NOP2: variants seen among roughly 807,000 people sequenced by gnomAD.
NOP2 encodes NOP2 nucleolar protein, also known as 28S rRNA (cytosine(4447)-C(5))-methyltransferase.
A neutral mutation model predicts 72.7 loss-of-function variants in NOP2; 7 were observed. That is an observed-to-expected ratio of 0.10 (90% CI 0.05 to 0.18). The LOEUF (loss-of-function observed/expected upper bound fraction) is 0.18, where lower values mean the gene tolerates loss of function less well. NOP2 is among the 10% of genes least tolerant of loss of function. The probability of loss-of-function intolerance (pLI) is 1.00; values close to 1 mark genes in which losing one functional copy is unlikely to be tolerated. For missense variants in NOP2, 954 were observed against 1,014.7 expected (o/e 0.94, Z 0.81); for synonymous variants, 387 against 388.0 (o/e 1.00, Z 0.03).
intron 11 of NOP2, 81 bp downstream of exon 11, chr12:6,561,583 T>G: frequency 6.4e-7 from 1 of 1,557,006 alleles, no homozygotes; most frequent in Non-Finnish European, 8.8e-7. Context: ...TGAGCACTAG[T>G]GAGTCAGCAA....
At position 6,560,174 on chromosome 12, in the gene NOP2, A is replaced by C. The variant is rs766362208; in HGVS notation, c.1713T>G (p.Pro571=). The change falls in exon 15 of 16, where the codon CCT becomes CCG. Residue 571 remains proline (P), a synonymous_variant. Coordinates refer to ENST00000322166, the MANE Select transcript of NOP2 (RefSeq NM_001258308.2). This position sits in a 1 kb window ranked among gnomAD's most constrained non-coding sequence, Gnocchi z 5.0. ...AGAACCCATCCATATTGTGGGTATG[A>C]GGGTAGAAGCGTCGGGTAGAACGCA... The part of the protein sequence containing the change: ...PSLRSTRRFY[P]HTHNMDGFFI... 1.2e-6 allele frequency: 2 copies of C among 1,614,014 alleles called. No individual in the cohort carries two copies. Among genetic ancestry groups the C allele is most frequent in the South Asian group, 1.1e-5 (1 of 91,082 alleles).
chr12:6,566,690 G>A, intron 3 of NOP2, 73 bp from the exon 4 acceptor site: 2 of 1,581,600 alleles, frequency 1.3e-6, no homozygotes, highest in Non-Finnish European at 1.7e-6. Context: ...TTCCACCATA[G>A]GGAAATGTGA....
In NOP2 at chr12:6,557,330, C is replaced by G; in HGVS notation, c.2102G>C (p.Arg701Pro). The G allele has an allele frequency of 6.2e-7, 1 of 1,613,990 alleles. No homozygotes were observed. Among genetic ancestry groups the G allele is most frequent in the South Asian group, 1.1e-5 (1 of 91,088 alleles). Reference sequence around the variant, plus strand: ...CTTGGAGGACTGTAATTTAGGTGATCGTTGCTTTAGCTTCCCAGTCACCTT... The same window carrying G: ...CTTGGAGGACTGTAATTTAGGTGATGGTTGCTTTAGCTTCCCAGTCACCTT... Reference protein sequence around the residue: ...EPKVTGKLKQRSPKLQSSKKV... With the variant: ...EPKVTGKLKQPSPKLQSSKKV... Residue 701 changes from arginine to proline, a missense_variant, in exon 16 of 16, where the codon CGA (arginine) becomes CCA (proline). Around this residue, in one of 3 missense-constraint regions of NOP2, gnomAD observed 269 missense variants for 260.2 expected, o/e 1.03. Transcript: ENST00000322166.
chr12:6,567,125 T>C (rs146430611), intron 2 of NOP2, among the ~76,000 whole-genome samples: 3 of 152,232 alleles, frequency 2.0e-5, no homozygotes, highest in African/African-American at 4.8e-5. Context: ...AATTGTTGTA[T>C]TTTTAGTAAA....
intron 5 of NOP2, 121 bp from the exon 6 acceptor site, chr12:6,564,067 T>C (rs144751125): frequency 1.7e-5 from 26 of 1,534,142 alleles, no homozygotes; most frequent in African/African-American, 1.1e-4. Context: ...CAGAAGGAAA[T>C]AGAGGAGCAA....
At position 6,557,103 on chromosome 12, in the gene NOP2, GGGTAT is replaced by G; in HGVS notation, c.2324_2328del (p.Asp775AlafsTer40). On this transcript the variant is annotated frameshift_variant, in exon 16 of 16. Transcript: ENST00000322166. LOFTEE classifies it low-confidence loss of function (END_TRUNC). ...ACAGTGGGAGGCTGAGGCCCCTTGG[GGGTAT>G]CATTCTGTTTCTGGAAGGCAGCTTT... The G allele has an allele frequency of 6.2e-7, 1 of 1,613,972 alleles. No individual in the cohort carries two copies. Among genetic ancestry groups the G allele is most frequent in the South Asian group, 1.1e-5 (1 of 91,084 alleles).
chr12:6,564,049 C>T, intron 5 of NOP2, 103 bp from the exon 6 acceptor site: 1 of 1,539,760 alleles, frequency 6.5e-7, no homozygotes, highest in Non-Finnish European at 8.7e-7. Context: ...AAATCCAACA[C>T]TTGCTCTCAG....
In NOP2 at chr12:6,557,574, T is replaced by G. The variant is rs745997812; in HGVS notation, c.1858A>C (p.Ser620Arg). The G allele has an allele frequency of 2.2e-5, 36 of 1,613,854 alleles. No individual in the cohort carries two copies. Among genetic ancestry groups the G allele is most frequent in the Admixed American group, 8.3e-5 (5 of 59,994 alleles). The change falls in exon 16 of 16, where the codon AGC becomes CGC. Residue 620 changes from serine (S) to arginine (R), a missense_variant. Coordinates refer to ENST00000322166, the MANE Select transcript of NOP2 (RefSeq NM_001258308.2). ...CCCTTGGCTTTCTTGGCTGGCTGGC[T>G]GCTGTTCTCAGACTTGGGGATGACC... ...PQVIPKSENSSQPAKKAKGAA... is the reference protein window; with the variant it reads ...PQVIPKSENSRQPAKKAKGAA...
intron 2 of NOP2, among the ~76,000 whole-genome samples, chr12:6,567,334 C>T (rs183646391): frequency 1.3e-5 from 2 of 152,272 alleles, no homozygotes; most frequent in Non-Finnish European, 2.9e-5. Flanking sequence ...ATCCTTTATC[C>T]AATGCCCAAC....
intron 9 of NOP2, 27 bp from the exon 10 acceptor site, chr12:6,561,998 T>C: frequency 6.4e-7 from 1 of 1,550,928 alleles, no homozygotes; most frequent in Non-Finnish European, 8.8e-7. Context: ...ATTTTTTTTT[T>C]TTTTTTTTGA....
At position 6,563,398 on chromosome 12, in the gene NOP2, G is replaced by C. The variant is rs369829074; in HGVS notation, c.805C>G (p.Arg269Gly). The stretch of plus-strand genomic sequence containing the variant: ...TAAATGGCCAGATCCTTCTTGAGCC[G>C]GTTCAGGTATTCAGAACGAGACCGC... ...EGRSRSEYLN[R>G]LKKDLAIYYS... The change falls in exon 8 of 16, where the codon CGG (arginine) becomes GGG (glycine). Residue 269 changes from arginine (R) to glycine (G), a missense_variant. By Grantham distance (125) the Arg-to-Gly change is moderately radical (BLOSUM62 -2). Around this residue, in one of 3 missense-constraint regions of NOP2, gnomAD observed 498 missense variants for 478.3 expected, o/e 1.04. Transcript: ENST00000322166. 1 of 1,606,174 alleles carries C rather than the reference G, an allele frequency of 6.2e-7. No individual in the cohort carries two copies.
Position 6,560,393 on chromosome 12 carries a change from G to T in NOP2, c.1560+54C>A. 2 of 1,599,188 alleles carry T rather than the reference G, an allele frequency of 1.3e-6. No individual in the cohort carries two copies. Among genetic ancestry groups the T allele is most frequent in the South Asian group, 2.2e-5 (2 of 90,070 alleles). ...GCTGGAGCTGAAGGGAGCTCTAAGG[G>T]GCAAAGAGCCCCCCAGCCCAGCCTC... On this transcript the variant is annotated intron_variant, in intron 14 of 15. Coordinates refer to ENST00000322166, the MANE Select transcript of NOP2 (RefSeq NM_001258308.2). This position sits in a 1 kb window ranked among gnomAD's most constrained non-coding sequence, Gnocchi z 5.0.
At chr12:6,565,499 C>G (rs1288734067) in intron 5 of NOP2, among the ~76,000 whole-genome samples, 1 of 152,116 alleles carries the variant, frequency 6.6e-6, no homozygotes, top group Non-Finnish European at 1.5e-5. Context: ...TACCACCACA[C>G]CAGCTAATTT....
chr12:6,566,069 C>G, intron 5 of NOP2, 32 bp downstream of exon 5: 1 of 1,539,508 alleles, frequency 6.5e-7, no homozygotes, highest in Non-Finnish European at 8.9e-7. Flanking sequence ...AGCAAGGATC[C>G]TTCTATGAAT....
chr12:6,564,762 CTG>C (rs992033016), intron 5 of NOP2, among the ~76,000 whole-genome samples: 1 of 144,300 alleles, frequency 6.9e-6, no homozygotes, highest in African/African-American at 2.6e-5. Flanking sequence ...TTTACTTACT[CTG>C]TATTTTTCAC....
intron 6 of NOP2, 51 bp from the exon 7 acceptor site, chr12:6,563,822 C>G (rs1414772175): frequency 4.3e-6 from 7 of 1,612,580 alleles, no homozygotes; most frequent in Non-Finnish European, 5.1e-6. Context: ...ACAGATACCT[C>G]CTCCTTCCTC....
chr12:6,556,887 T>G lies in NOP2; in HGVS notation c.*106A>C. On this transcript the variant is annotated 3_prime_UTR_variant, in exon 16 of 16. Transcript: ENST00000322166. ...CTCAGTGGCCAGAGGTTTTAAAATG[T>G]GTATTAAATTTCATGGGTATGCACA... is the stretch of plus-strand genomic sequence containing the variant. The G allele has an allele frequency of 2.3e-6, 3 of 1,300,778 alleles. No individual in the cohort carries two copies. Among genetic ancestry groups the G allele is most frequent in the Non-Finnish European group, 3.2e-6 (3 of 939,822 alleles). The allele number at this position is 1,300,778 out of a possible 1,614,324, so 80.6% of individuals were successfully genotyped here. A position where few individuals can be genotyped will look rare whatever the true frequency, so the allele number is the denominator to read the frequency against.
At chr12:6,558,968 C>CT (rs1039362545) in intron 15 of NOP2, among the ~76,000 whole-genome samples, 4 of 151,416 alleles carry the variant, frequency 2.6e-5, no homozygotes, top group African/African-American at 7.3e-5. Flanking sequence ...TTTACTATTC[C>CT]TTTTTTTTGA....
intron 2 of NOP2, among the ~76,000 whole-genome samples, chr12:6,567,210 A>C (rs1239636310): frequency 6.6e-6 from 1 of 152,172 alleles, no homozygotes; most frequent in Non-Finnish European, 1.5e-5. Context: ...TCGGCCTCCC[A>C]AAGTGTTTCC....
Sources: allele counts gnomAD v4.1 joint callset (sites outside exome capture counted in the v4.1 genomes callset), GRCh38; gene constraint gnomAD v4.1.1; regional missense constraint gnomAD v4.1.1; non-coding constraint Gnocchi (gnomAD v3.1); transcripts MANE v1.5; gene names NCBI Gene and HGNC (gene_info 2026-07-23, HGNC 2026-07-21).